The following MARCHF7 variants were observed in gnomAD, a reference collection of about 807,000 sequenced individuals.
MARCHF7 encodes E3 ubiquitin-protein ligase MARCHF7.
Under a neutral mutation model 76.5 loss-of-function variants are expected in MARCHF7, and 20 were observed. That is an observed-to-expected ratio of 0.26 (90% CI 0.18 to 0.38). The LOEUF is 0.38. Ranked by LOEUF, MARCHF7 falls within the 10% of genes least tolerant of loss-of-function variation. The probability of loss-of-function intolerance (pLI) is 1.00; values close to 1 mark genes in which losing one functional copy is unlikely to be tolerated. For synonymous variants in MARCHF7, 295 were observed against 293.0 expected (o/e 1.01, Z -0.07); for missense variants, 797 against 812.9 (o/e 0.98, Z 0.24).
At chr2:159,756,178 C>T (rs566429483) in intron 8 of MARCHF7, among the ~76,000 whole-genome samples, 1 of 152,144 alleles carries the variant, frequency 6.6e-6, no homozygotes, top group Non-Finnish European at 1.5e-5. Flanking sequence ...CAACTTGACT[C>T]AACTTCTGAT....
rs560716184 is a variant in MARCHF7 at position 159,751,760 on chromosome 2, G to A, written c.1614-642G>A. Among the ~76,000 whole-genome samples, 8 of 152,248 alleles carry A rather than the reference G, an allele frequency of 5.3e-5. No homozygotes were observed. In the South Asian group the frequency reaches 1.7e-3, roughly 32 times the overall value. ...TTTATATATTAAGCAGTACACAATG[G>A]CCTGTTAAATAGAGGACGTAGGTTA... On this transcript the variant is annotated intron_variant, in intron 7 of 11. Transcript: ENST00000409175.
At chr2:159,719,004 T>G (rs1371661112) in intron 3 of MARCHF7, among the ~76,000 whole-genome samples, 1 of 152,112 alleles carries the variant, frequency 6.6e-6, no homozygotes, top group African/African-American at 2.4e-5. Context: ...TTATTATTAT[T>G]TTCAGAAAGT....
intron 4 of MARCHF7, chr2:159,732,929 G>C: frequency 2.0e-6 from 2 of 983,236 alleles, no homozygotes; most frequent in Non-Finnish European, 2.4e-6. Flanking sequence ...AGATGAACAA[G>C]ATTGTTCATC....
chr2:159,747,848 A>G lies in MARCHF7; in HGVS notation c.558A>G (p.Pro186=). 1 of 1,609,568 alleles carries G rather than the reference A, an allele frequency of 6.2e-7. No homozygotes were observed. Among genetic ancestry groups the G allele is most frequent in the Non-Finnish European group, 8.5e-7 (1 of 1,178,840 alleles). The part of the protein sequence containing the change: ...RVPSYSQGAR[P]KENSMSTLQL... ...CTTCATATTCACAAGGAGCAAGACC[A>G]AAAGAAAACTCAATGAGCACTTTAC... Residue 186 remains proline (P), a synonymous_variant, in exon 7 of 12, where the codon CCA becomes CCG. Coordinates refer to ENST00000409175, the MANE Select transcript of MARCHF7 (RefSeq NM_001282805.2).
intron 4 of MARCHF7, among the ~76,000 whole-genome samples, chr2:159,736,404 TTACTG>T (rs1401329353): frequency 6.6e-6 from 1 of 152,214 alleles, no homozygotes; most frequent in African/African-American, 2.4e-5. Context: ...AATTGGCCGT[TTACTG>T]TACATTTTTC....
chr2:159,716,023 C>T (rs1012134493), intron 3 of MARCHF7, among the ~76,000 whole-genome samples: 1 of 152,060 alleles, frequency 6.6e-6, no homozygotes, highest in Non-Finnish European at 1.5e-5. Context: ...GTAGACTTAA[C>T]ATCATAGTCA....
intron 1 of MARCHF7, among the ~76,000 whole-genome samples, chr2:159,713,213 A>G (rs1700476874): frequency 1.3e-5 from 2 of 152,168 alleles, no homozygotes; most frequent in Non-Finnish European, 1.5e-5. Flanking sequence ...GGGTTCTGCA[A>G]CTCGAAGTAG....
chr2:159,739,019 C>A (rs894415751), intron 4 of MARCHF7, among the ~76,000 whole-genome samples: 1 of 152,168 alleles, frequency 6.6e-6, no homozygotes, highest in Non-Finnish European at 1.5e-5. Flanking sequence ...GCTGGTGTGT[C>A]GGCACTGCCC....
chr2:159,766,317 A>G (rs1652018116), intron 11 of MARCHF7, among the ~76,000 whole-genome samples: 3 of 152,198 alleles, frequency 2.0e-5, no homozygotes, highest in Admixed American at 2.0e-4. Context: ...GTCATGACTT[A>G]GTTATATGCT....
chr2:159,748,719 G>T lies in MARCHF7; in HGVS notation c.1429G>T (p.Gly477Trp). 1 of 1,614,162 alleles carries T rather than the reference G, an allele frequency of 6.2e-7. No individual in the cohort carries two copies. The highest frequency in any genetic ancestry group is 8.5e-7 in the Non-Finnish European group (1 of 1,180,018). The change falls in exon 7 of 12, where the codon GGG (glycine) becomes TGG (tryptophan). Residue 477 changes from glycine (G) to tryptophan (W), a missense_variant. Physicochemically the swap from Gly to Trp is radical, Grantham distance 184 (BLOSUM62 -2). Around this residue, in one of 3 missense-constraint regions of MARCHF7, gnomAD observed 643 missense variants for 631.5 expected, o/e 1.02. Coordinates refer to ENST00000409175, the MANE Select transcript of MARCHF7 (RefSeq NM_001282805.2). Reference sequence around the variant, plus strand: ...AGGTGGAAGAAATACAGGAATATCAGGGATTCTTCCTGGTTCCTTATTCCG... The same window carrying T: ...AGGTGGAAGAAATACAGGAATATCATGGATTCTTCCTGGTTCCTTATTCCG... The part of the protein sequence containing the change: ...AQGGRNTGIS[G>W]ILPGSLFRFA...
intron 3 of MARCHF7, among the ~76,000 whole-genome samples, chr2:159,716,904 G>A (rs562123408): frequency 3.3e-5 from 5 of 152,236 alleles, no homozygotes; most frequent in Admixed American, 2.0e-4. Context: ...AAACCACCTC[G>A]GGACCTAGTG....
intron 3 of MARCHF7, among the ~76,000 whole-genome samples, chr2:159,727,458 G>T (rs1049215438): frequency 3.3e-5 from 5 of 152,024 alleles, no homozygotes; most frequent in Non-Finnish European, 4.4e-5. Context: ...CGTGGTGGCG[G>T]GAGCCTGTAG....
rs757339511 is a variant in MARCHF7 at position 159,748,630 on chromosome 2, G to C, written c.1340G>C (p.Arg447Thr). Reference protein sequence around the residue: ...QNDPLGAAANRPQASAASSSA... With the variant: ...QNDPLGAAANTPQASAASSSA... ...GATCCTCTTGGAGCTGCTGCCAACA[G>C]ACCACAAGCATCTGCAGCATCAAGC... is the stretch of plus-strand genomic sequence containing the variant. The change falls in exon 7 of 12, where the codon AGA (arginine) becomes ACA (threonine). Residue 447 changes from arginine to threonine, a missense_variant. By Grantham distance (71) the Arg-to-Thr change is moderately conservative (BLOSUM62 -1). Around this residue, in one of 3 missense-constraint regions of MARCHF7, gnomAD observed 643 missense variants for 631.5 expected, o/e 1.02. Transcript: ENST00000409175. 5 of 1,614,086 alleles carry C rather than the reference G, an allele frequency of 3.1e-6. No individual in the cohort carries two copies. Among genetic ancestry groups the C allele is most frequent in the Non-Finnish European group, 8.5e-7 (1 of 1,180,044 alleles).
At chr2:159,738,186 T>C (rs1474210260) in intron 4 of MARCHF7, among the ~76,000 whole-genome samples, 4 of 152,110 alleles carry the variant, frequency 2.6e-5, no homozygotes, top group Admixed American at 6.5e-5. Flanking sequence ...GGATCAGGTG[T>C]ACCACAGGCA....
chr2:159,715,330 G>C (rs1401712506), intron 2 of MARCHF7, among the ~76,000 whole-genome samples: 1 of 151,570 alleles, frequency 6.6e-6, no homozygotes, highest in Non-Finnish European at 1.5e-5. Context: ...AAGTTGGGGA[G>C]AATGAAATTA....
chr2:159,764,019 AATAAACCAT>A (rs1707416356), intron 10 of MARCHF7, among the ~76,000 whole-genome samples: 1 of 152,222 alleles, frequency 6.6e-6, no homozygotes, highest in African/African-American at 2.4e-5. Context: ...CTTCAGGATG[AATAAACCAT>A]ATAAAACATT....
In MARCHF7 at chr2:159,767,319, A is replaced by G. The variant is rs1332701960; in HGVS notation, c.2092A>G (p.Asn698Asp). The change falls in exon 12 of 12, where the codon AAC becomes GAC. Residue 698 changes from asparagine to aspartate, a missense_variant. Asn to Asp is a conservative substitution (Grantham distance 23). Coordinates refer to ENST00000409175, the MANE Select transcript of MARCHF7 (RefSeq NM_001282805.2). ...EDDSEEDGDH[N>D]RTFDIA ...TGATTCCGAAGAAGACGGAGACCAT[A>G]ACAGGACATTTGATATTGCCTAACT... The G allele has an allele frequency of 9.3e-6, 15 of 1,611,856 alleles. No individual in the cohort carries two copies. Among genetic ancestry groups the G allele is most frequent in the Non-Finnish European group, 1.2e-5 (14 of 1,178,420 alleles).
rs1281010898 is a variant in MARCHF7 at position 159,770,268 on chromosome 2, A to AATC, written c.*2927_*2929dup. On this transcript the variant is annotated 3_prime_UTR_variant, in exon 12 of 12. Coordinates refer to ENST00000409175, the MANE Select transcript of MARCHF7 (RefSeq NM_001282805.2). ...AATAGACATCTCAATCACTATACAA[A>AATC]ATCTCAGAAATGTAAAGCTCTTACA... 1 of 152,194 alleles carries AATC rather than the reference A, an allele frequency of 6.6e-6. No individual in the cohort carries two copies. The highest frequency in any genetic ancestry group is 1.5e-5 in the Non-Finnish European group (1 of 68,040). 9.4% of individuals were successfully genotyped at this position (152,194 alleles called of 1,614,324 possible).
chr2:159,759,359 G>T (rs78144739), intron 9 of MARCHF7, 24 bp downstream of exon 9: 4 of 1,302,080 alleles, frequency 3.1e-6, no homozygotes, highest in Non-Finnish European at 4.4e-6. Context: ...GCCTAATTTG[G>T]TAAGTGTCTA....
Sources: allele counts gnomAD v4.1 joint callset (sites outside exome capture counted in the v4.1 genomes callset), GRCh38; gene constraint gnomAD v4.1.1; regional missense constraint gnomAD v4.1.1; transcripts MANE v1.5; gene names NCBI Gene and HGNC (gene_info 2026-07-23, HGNC 2026-07-21).